The following RPS3 variants were observed in gnomAD, a reference collection of about 807,000 sequenced individuals.
The protein encoded by RPS3 is ribosomal protein S3, also known as small ribosomal subunit protein uS3.
Under a neutral mutation model 25.8 loss-of-function variants are expected in RPS3, and 2 were observed. That is an observed-to-expected ratio of 0.08 (90% CI 0.03 to 0.24). The LOEUF is 0.24. Among genes scored for constraint, RPS3 ranks in the 10% least tolerant of loss-of-function variants. The probability of loss-of-function intolerance (pLI) is 1.00; values close to 1 mark genes in which losing one functional copy is unlikely to be tolerated. For synonymous variants in RPS3, 114 were observed against 114.2 expected, an observed-to-expected ratio of 1.00 and a Z score of 0.01; for missense variants, 107 against 307.1, an observed-to-expected ratio of 0.35 and a Z score of 4.87.
At chr11:75,402,490 C>CA in intron 4 of RPS3, 44 bp downstream of exon 4, 2 of 1,562,886 alleles carry the variant, frequency 1.3e-6, no homozygotes, top group Non-Finnish European at 1.8e-6. Flanking sequence ...TTGTGTGTAT[C>CA]AACATACATG....
chr11:75,416,941 C>T (rs936139574), intron 6 of RPS3, among the ~76,000 whole-genome samples: 1 of 152,316 alleles, frequency 6.6e-6, no homozygotes. Context: ...CCAAACCATT[C>T]TCTTTTTTTC....
rs1393333114 is a variant in RPS3, at chr11:75,405,756, C to G, written c.*146C>G. ...TGTTGGCCTCTGGAGCATTACATAT[C>G]TTCTTGGTTTTAACCATACTTGTGG... On this transcript the variant is annotated 3_prime_UTR_variant, in exon 7 of 7. Transcript: ENST00000531188. 4 of 422,758 alleles carry G rather than the reference C, an allele frequency of 9.5e-6. No individual in the cohort carries two copies. Among genetic ancestry groups the G allele is most frequent in the Non-Finnish European group, 1.9e-5 (4 of 212,338 alleles). 26.2% of individuals were successfully genotyped at this position (422,758 alleles called of 1,614,324 possible).
At chr11:75,401,781 A>G in intron 3 of RPS3, 48 bp downstream of exon 3, 3 of 1,008,436 alleles carry the variant, frequency 3.0e-6, no homozygotes, top group Non-Finnish European at 4.7e-6. Flanking sequence ...TCAGAATGAT[A>G]CTTCTAAAAA....
intron 6 of RPS3, among the ~76,000 whole-genome samples, chr11:75,412,305 A>G (rs899699203): frequency 1.3e-5 from 2 of 152,142 alleles, no homozygotes; most frequent in Non-Finnish European, 2.9e-5. Flanking sequence ...GGAGCCTTTA[A>G]GGAGGTATTG....
intron 3 of RPS3, chr11:75,402,081 C>T (rs895835486): frequency 1.4e-5 from 8 of 552,996 alleles, no homozygotes; most frequent in Non-Finnish European, 2.3e-5. Flanking sequence ...AAATTATATG[C>T]TGTATATGAT....
At chr11:75,409,837 G>A (rs1176612783), downstream of RPS3, among the ~76,000 whole-genome samples, 207 of 146,214 alleles carry the variant, frequency 1.4e-3, no homozygotes, top group Non-Finnish European at 1.7e-3. Context: ...CCTCCCTCCC[G>A]GACGGGGCGG....
At chr11:75,400,959 T>C in intron 2 of RPS3, 135 bp downstream of exon 2, 1 of 1,270,336 alleles carries the variant, frequency 7.9e-7, no homozygotes, top group South Asian at 1.5e-5. Flanking sequence ...CTCGGCTCAC[T>C]GCAAGCTCCG....
rs1948222593 is a variant in RPS3 at position 75,402,381 on chromosome 11, T to A, written c.285T>A (p.Gly95=). 1 of 1,613,718 alleles carries A rather than the reference T, an allele frequency of 6.2e-7. No individual in the cohort carries two copies. The highest frequency in any genetic ancestry group is 1.1e-5 in the South Asian group (1 of 91,080). Residue 95 remains glycine (G), a synonymous_variant, in exon 4 of 7, where the codon GGT becomes GGA. Transcript: ENST00000531188. The part of the protein sequence containing the change: ...ELYAEKVATR[G]LCAIAQAESL... ...ATGCTGAAAAGGTGGCCACTAGAGG[T>A]CTGTGTGCCATTGCCCAGGCAGAGT... is the stretch of plus-strand genomic sequence containing the variant.
rs751686290 is a variant in RPS3 at position 75,405,793 on chromosome 11, G to T, written c.*183G>T. ...AACCATACTTGTGGTATTTGCAAGGGCCAGAACAGTAAGACCCAAGCAGAG... is the reference window on the plus strand; with the variant it reads ...AACCATACTTGTGGTATTTGCAAGGTCCAGAACAGTAAGACCCAAGCAGAG... On this transcript the variant is annotated 3_prime_UTR_variant, in exon 7 of 7. Transcript: ENST00000531188. The T allele has an allele frequency of 1.4e-5, 5 of 346,638 alleles. No homozygotes were observed. The highest frequency in any genetic ancestry group is 2.3e-5 in the Non-Finnish European group (4 of 175,252). The allele number at this position is 346,638 out of a possible 1,614,324, so 21.5% of individuals were successfully genotyped here. A position where few individuals can be genotyped will look rare whatever the true frequency, so the allele number is the denominator to read the frequency against.
chr11:75,420,535 C>A (rs1948434215), intron 6 of RPS3, among the ~76,000 whole-genome samples: 1 of 152,326 alleles, frequency 6.6e-6, no homozygotes, highest in South Asian at 2.1e-4. Flanking sequence ...TCTGCTGCCA[C>A]TTCCCAGCCC....
intron 6 of RPS3, among the ~76,000 whole-genome samples, chr11:75,417,821 G>A (rs1565169012): frequency 6.6e-6 from 1 of 152,246 alleles, no homozygotes; most frequent in South Asian, 2.1e-4. Flanking sequence ...CTGGTGGTGT[G>A]CCCCAGGTGC....
chr11:75,405,069 C>G (rs926594401), intron 6 of RPS3: 1 of 424,810 alleles, frequency 2.4e-6, no homozygotes, highest in Non-Finnish European at 4.2e-6. Context: ...TTTATTCTTT[C>G]CAGAAAGAAG....
At chr11:75,408,964 T>C (rs6592609), downstream of RPS3, among the ~76,000 whole-genome samples, 97,714 of 151,768 alleles carry the variant, frequency 0.64, 32,542 homozygotes, top group African/African-American at 0.82. Flanking sequence ...TAAACACAGC[T>C]CCACCCTCCA....
chr11:75,410,264 T>A, downstream of RPS3, among the ~76,000 whole-genome samples: 1 of 148,116 alleles, frequency 6.8e-6, no homozygotes, highest in African/African-American at 2.5e-5. Context: ...GGCTCCTCAC[T>A]TCTCAGACGG....
intron 6 of RPS3, among the ~76,000 whole-genome samples, chr11:75,414,254 G>T (rs1056119128): frequency 6.6e-6 from 1 of 152,202 alleles, no homozygotes; most frequent in Non-Finnish European, 1.5e-5. Context: ...GGAACCCACT[G>T]GTAGAAATAT....
chr11:75,419,606 A>G (rs1385120664), intron 6 of RPS3, among the ~76,000 whole-genome samples: 2 of 152,128 alleles, frequency 1.3e-5, no homozygotes, highest in Non-Finnish European at 2.9e-5. Flanking sequence ...CCATATGGTA[A>G]TGAATGTTTC....
chr11:75,410,447 C>T (rs868024578), downstream of RPS3, among the ~76,000 whole-genome samples: 2,294 of 150,820 alleles, frequency 0.015, 45 homozygotes, highest in African/African-American at 0.053. Flanking sequence ...GGGGAAGAGG[C>T]GCTCCTCGCT....
chr11:75,409,872 T>C (rs1274489275), downstream of RPS3, among the ~76,000 whole-genome samples: 2 of 119,924 alleles, frequency 1.7e-5, no homozygotes, highest in African/African-American at 6.3e-5. Context: ...GGGTCCTCAC[T>C]TCCCAGTAGG....
downstream of RPS3, among the ~76,000 whole-genome samples, chr11:75,407,344 G>A (rs1025882118): frequency 6.6e-6 from 1 of 152,018 alleles, no homozygotes; most frequent in African/African-American, 2.4e-5. Context: ...CCCCATGTTG[G>A]CCAGGCTGGT....
Sources: gnomAD v4.1 joint callset for allele counts (sites outside exome capture counted in the v4.1 genomes callset) on GRCh38, gnomAD v4.1.1 for gene constraint, MANE v1.5 for transcripts, NCBI Gene and HGNC (gene_info 2026-07-23, HGNC 2026-07-21) for gene names.